NAV3: variants seen among roughly 807,000 people sequenced by gnomAD.
The protein encoded by NAV3 is pore membrane and/or filament interacting like protein 1.
NAV3 carries 87 observed loss-of-function variants against 244.7 expected under a neutral mutation model. The ratio of observed to expected loss-of-function variants is 0.36; its 90% CI spans 0.30 to 0.42. The LOEUF is 0.42. Among genes scored for constraint, NAV3 ranks in the 20% least tolerant of loss-of-function variants. The pLI is 1.00. For synonymous variants in NAV3, 1,126 were observed against 1,042.2 expected (o/e 1.08, Z -1.55); for missense variants, 2,663 against 2,893.3 (o/e 0.92, Z 1.83).
intron 1 of NAV3, among the ~76,000 whole-genome samples, chr12:77,848,128 G>T (rs1876933096): frequency 6.6e-6 from 1 of 152,174 alleles, no homozygotes; most frequent in Non-Finnish European, 1.5e-5. Flanking sequence ...GCCTTCTAAT[G>T]AACGTAGTAA....
intron 1 of NAV3, among the ~76,000 whole-genome samples, chr12:77,838,939 C>T (rs1209814283): frequency 6.6e-6 from 1 of 152,170 alleles, no homozygotes; most frequent in Non-Finnish European, 1.5e-5. Context: ...TATCTCCTCC[C>T]TTTCTCTTTC....
At chr12:77,768,197 G>A (rs1223625111) in intron 2 of NAV3, among the ~76,000 whole-genome samples, 1 of 152,170 alleles carries the variant, frequency 6.6e-6, no homozygotes, top group Non-Finnish European at 1.5e-5. Context: ...GTTCATGGGT[G>A]GCCATGGGCA....
intron 2 of NAV3, among the ~76,000 whole-genome samples, chr12:77,754,389 A>G (rs1463720855): frequency 6.6e-6 from 1 of 152,148 alleles, no homozygotes; most frequent in Non-Finnish European, 1.5e-5. Context: ...CCTTCAAGCT[A>G]CACTCCAACA....
intron 19 of NAV3, 135 bp downstream of exon 19, chr12:78,137,500 C>T (rs1471588339): frequency 3.4e-6 from 3 of 882,138 alleles, no homozygotes; most frequent in African/African-American, 3.5e-5. Context: ...AAACTAGAAG[C>T]TTGAAGAAGT....
At chr12:78,051,950 C>T (rs985657612) in intron 11 of NAV3, among the ~76,000 whole-genome samples, 1 of 152,140 alleles carries the variant, frequency 6.6e-6, no homozygotes, top group Non-Finnish European at 1.5e-5. Context: ...GATAAGGAAA[C>T]TGAGTCTAAT....
intron 2 of NAV3, among the ~76,000 whole-genome samples, chr12:77,601,192 C>T (rs1870412983): frequency 1.3e-5 from 2 of 151,968 alleles, no homozygotes; most frequent in South Asian, 4.1e-4. Flanking sequence ...ATCTGCATTT[C>T]AGGTGAGATA....
At chr12:77,596,754 C>T (rs1203909863) in intron 2 of NAV3, among the ~76,000 whole-genome samples, 1 of 152,054 alleles carries the variant, frequency 6.6e-6, no homozygotes, top group Non-Finnish European at 1.5e-5. Context: ...AGGAAGTAGT[C>T]ATTAACTATC....
chr12:77,625,838 A>G (rs1201576794), intron 2 of NAV3, among the ~76,000 whole-genome samples: 1 of 152,224 alleles, frequency 6.6e-6, no homozygotes, highest in Non-Finnish European at 1.5e-5. Context: ...GAAAGATGCA[A>G]CTGTTACAGC....
rs997604154 is a variant in NAV3 at position 77,625,493 on chromosome 12, G to A, written c.72+53227G>A. On this transcript the variant is annotated intron_variant, in intron 2 of 8. Coordinates refer to the NAV3 transcript ENST00000550042. Reference sequence around the variant, plus strand: ...ATAAGACTATAAAAAAACTAGACTTGTTTCTTATTATACTCGTGAAATGAT... The same window carrying A: ...ATAAGACTATAAAAAAACTAGACTTATTTCTTATTATACTCGTGAAATGAT... Among the ~76,000 whole-genome samples the A allele has an allele frequency of 2.0e-5, 3 of 152,204 alleles. No individual in the cohort carries two copies. In the East Asian group the frequency reaches 5.8e-4, roughly 29 times the overall value.
At chr12:77,838,406 T>G (rs1259798167) in intron 1 of NAV3, among the ~76,000 whole-genome samples, 2 of 152,216 alleles carry the variant, frequency 1.3e-5, no homozygotes, top group East Asian at 3.8e-4. Context: ...TAAAGGCTTA[T>G]ATTTCATGCT....
intron 2 of NAV3, among the ~76,000 whole-genome samples, chr12:77,777,492 C>T (rs1037940301): frequency 2.0e-5 from 3 of 152,114 alleles, no homozygotes; most frequent in African/African-American, 7.2e-5. Context: ...TGACTAACAT[C>T]CTGAGTTAGA....
intron 31 of NAV3, 73 bp from the exon 32 acceptor site, chr12:78,188,175 T>C: frequency 8.7e-7 from 1 of 1,149,866 alleles, no homozygotes; most frequent in South Asian, 1.3e-5. Flanking sequence ...CATTAACTAA[T>C]TTTAGTAGAA....
chr12:77,946,938 A>G (rs1038045503), intron 3 of NAV3, among the ~76,000 whole-genome samples: 126 of 152,240 alleles, frequency 8.3e-4, no homozygotes, highest in African/African-American at 3.0e-3. Context: ...GTTACAAACC[A>G]AGTATTAGGC....
At chr12:77,940,501 C>T in intron 2 of NAV3, 65 bp downstream of exon 2, 2 of 1,305,612 alleles carry the variant, frequency 1.5e-6, no homozygotes, top group East Asian at 2.3e-5. Context: ...TAAAGCACAA[C>T]TTAAGTTAAG....
chr12:77,793,134 G>A (rs971790946), intron 2 of NAV3, among the ~76,000 whole-genome samples: 4 of 151,980 alleles, frequency 2.6e-5, no homozygotes, highest in African/African-American at 4.8e-5. Flanking sequence ...AACAATAATG[G>A]CATGTGTGAA....
chr12:78,164,509 G>A (rs867497179), intron 23 of NAV3, among the ~76,000 whole-genome samples: 8 of 152,042 alleles, frequency 5.3e-5, no homozygotes, highest in Non-Finnish European at 1.0e-4. Flanking sequence ...CCTAATTTAC[G>A]TTATGATATT....
At chr12:78,181,076 C>T (rs2139741340) in intron 30 of NAV3, 31 bp downstream of exon 30, 1 of 1,603,866 alleles carries the variant, frequency 6.2e-7, no homozygotes, top group South Asian at 1.1e-5. Flanking sequence ...GCCTGAATCA[C>T]AGCATACCCA....
chr12:77,619,299 G>T (rs1254738239), intron 2 of NAV3, among the ~76,000 whole-genome samples: 1 of 152,134 alleles, frequency 6.6e-6, no homozygotes, highest in Non-Finnish European at 1.5e-5. Context: ...AATAACTTAT[G>T]TCCATCAATA....
chr12:78,120,669 A>G (rs1747214228), intron 15 of NAV3, among the ~76,000 whole-genome samples: 1 of 152,162 alleles, frequency 6.6e-6, no homozygotes, highest in Non-Finnish European at 1.5e-5. Context: ...CTGTTTTTAA[A>G]TACCCATGTG....
Sources: gnomAD v4.1 joint callset for allele counts (sites outside exome capture counted in the v4.1 genomes callset) on GRCh38, gnomAD v4.1.1 for gene constraint, MANE v1.5 for transcripts, NCBI Gene and HGNC (gene_info 2026-07-23, HGNC 2026-07-21) for gene names.